The following PCDHA2 variants were observed in gnomAD, a reference collection of about 807,000 sequenced individuals.
PCDHA2 encodes protocadherin alpha 2.
Under a neutral mutation model 66.0 loss-of-function variants are expected in PCDHA2, and 58 were observed. The ratio of observed to expected loss-of-function variants is 0.88; its 90% CI spans 0.71 to 1.09. The LOEUF (loss-of-function observed/expected upper bound fraction) is 1.09, where lower values mean the gene tolerates loss of function less well. Ranked by LOEUF, PCDHA2 falls within the 50% of genes least tolerant of loss-of-function variation. The pLI is 0.00. For synonymous variants in PCDHA2, 634 were observed against 554.0 expected, an observed-to-expected ratio of 1.14 and a Z score of -2.03; for missense variants, 1,267 against 1,242.3, an observed-to-expected ratio of 1.02 and a Z score of -0.30.
At position 140,883,390 on chromosome 5, in the gene PCDHA2, G is replaced by A. The variant is rs373348994; in HGVS notation, c.2388+86038G>A. The A allele has an allele frequency of 2.5e-6, 4 of 1,614,050 alleles. No homozygotes were observed. The African/African-American group carries it at 5.3e-5, about 22-fold the overall frequency. ...GCGCCATTATTGCCCTAATCAGTGT[G>A]TCCGATCGTGACTCTGGCTCAAATG... is the stretch of plus-strand genomic sequence containing the variant. On this transcript the variant is annotated intron_variant, in intron 1 of 3. Coordinates refer to ENST00000526136, the MANE Select transcript of PCDHA2 (RefSeq NM_018905.3).
chr5:141,008,597 C>T (rs1485271666), intron 3 of PCDHA2, among the ~76,000 whole-genome samples: 1 of 152,224 alleles, frequency 6.6e-6, no homozygotes, highest in East Asian at 1.9e-4. Flanking sequence ...GATTTCACCT[C>T]CTCTGGAACC....
chr5:140,838,631 G>T (rs1181187323), intron 1 of PCDHA2, among the ~76,000 whole-genome samples: 2 of 151,888 alleles, frequency 1.3e-5, no homozygotes, highest in Non-Finnish European at 2.9e-5. Context: ...CAAATAATTT[G>T]GTTGGTCAAA....
At chr5:140,993,883 A>G (rs1256857317) in intron 3 of PCDHA2, among the ~76,000 whole-genome samples, 1 of 152,228 alleles carries the variant, frequency 6.6e-6, no homozygotes, top group East Asian at 1.9e-4. Flanking sequence ...AGTACGCTCT[A>G]TGATGTCCAT....
intron 1 of PCDHA2, chr5:140,843,152 CT>C (rs2150353947): frequency 6.3e-6 from 10 of 1,596,024 alleles, no homozygotes; most frequent in Non-Finnish European, 6.9e-6. Flanking sequence ...TTCGTATGAG[CT>C]GCAGCCAGCT....
intron 1 of PCDHA2, chr5:140,930,518 T>G (rs782236970): frequency 3.3e-5 from 5 of 152,592 alleles, no homozygotes; most frequent in Non-Finnish European, 5.9e-5. Flanking sequence ...CCACTGCAGC[T>G]GGCCCTCAAA....
intron 1 of PCDHA2, chr5:140,968,800 A>G: frequency 6.2e-7 from 1 of 1,614,238 alleles, no homozygotes; most frequent in Non-Finnish European, 8.5e-7. Context: ...CCATTACAGT[A>G]GCTGTGGTGG....
At chr5:140,831,867 T>C (rs1273262547) in intron 1 of PCDHA2, among the ~76,000 whole-genome samples, 1 of 152,226 alleles carries the variant, frequency 6.6e-6, no homozygotes, top group Non-Finnish European at 1.5e-5. Flanking sequence ...AGTAAGTTGA[T>C]ATTGTAAGGC....
chr5:140,869,572 G>A (rs375272234), intron 1 of PCDHA2: 1 of 1,614,060 alleles, frequency 6.2e-7, no homozygotes, highest in Non-Finnish European at 8.5e-7. Flanking sequence ...ACTAGAGGGA[G>A]CTTCTGATGC....
Position 140,830,125 on chromosome 5 carries a change from G to C in PCDHA2, c.2388+32773G>C, listed in dbSNP as rs2150181468. ...TGGAGAGTGGCCAGGCTCCAAAGGC[G>C]TCATCACGGGCGTCGGTGGGCGCCG... On this transcript the variant is annotated intron_variant, in intron 1 of 3. Coordinates refer to ENST00000526136, the MANE Select transcript of PCDHA2 (RefSeq NM_018905.3). 3.9e-5 allele frequency: 63 copies of C among 1,613,452 alleles called. No individual in the cohort carries two copies. In the South Asian group the frequency reaches 6.7e-4, roughly 17 times the overall value.
intron 1 of PCDHA2, among the ~76,000 whole-genome samples, chr5:140,826,047 G>A (rs1554130434): frequency 6.6e-6 from 1 of 152,052 alleles, no homozygotes; most frequent in East Asian, 1.9e-4. Context: ...CTGTTGCTTT[G>A]CCTGTTTCTT....
intron 3 of PCDHA2, among the ~76,000 whole-genome samples, chr5:141,008,863 C>T (rs902385521): frequency 6.6e-6 from 1 of 152,204 alleles, no homozygotes. Flanking sequence ...CTCTTCCATG[C>T]TGCATCCCAC....
intron 1 of PCDHA2, chr5:140,802,382 C>G (rs1554122092): frequency 6.2e-7 from 1 of 1,614,150 alleles, no homozygotes; most frequent in Non-Finnish European, 8.5e-7. Flanking sequence ...ACGTCCCCTT[C>G]AAGCTGGTGT....
chr5:140,907,885 A>C (rs1554193167), intron 1 of PCDHA2, among the ~76,000 whole-genome samples: 1 of 152,210 alleles, frequency 6.6e-6, no homozygotes, highest in Admixed American at 6.5e-5. Flanking sequence ...CTCACATGGG[A>C]TACAAATATC....
At chr5:140,989,109 A>C (rs2097330096) in intron 3 of PCDHA2, 2 of 152,240 alleles carry the variant, frequency 1.3e-5, no homozygotes, top group African/African-American at 4.8e-5. Context: ...CAACTTTTGA[A>C]TATATCTTAG....
chr5:140,912,635 T>G (rs1554195442), intron 1 of PCDHA2, among the ~76,000 whole-genome samples: 2 of 152,156 alleles, frequency 1.3e-5, no homozygotes, highest in Admixed American at 6.5e-5. Context: ...AGACTTTCAG[T>G]ACTATGTTGA....
At chr5:140,977,227 A>G (rs149467858) in intron 1 of PCDHA2, among the ~76,000 whole-genome samples, 4 of 152,288 alleles carry the variant, frequency 2.6e-5, no homozygotes, top group African/African-American at 7.2e-5. Context: ...ATGTTACCCA[A>G]TCATAGAAAA....
chr5:140,926,769 G>T lies in PCDHA2; in HGVS notation c.2389-52180G>T, dbSNP rs1584462454. 7.3e-6 allele frequency: 10 copies of T among 1,360,582 alleles called. No individual in the cohort carries two copies. In the East Asian group the frequency reaches 2.4e-4, roughly 33 times the overall value. 84.3% of individuals were successfully genotyped at this position (1,360,582 alleles called of 1,614,324 possible). On this transcript the variant is annotated intron_variant, in intron 1 of 3. Coordinates refer to ENST00000526136, the MANE Select transcript of PCDHA2 (RefSeq NM_018905.3). ...TCGGCGGTCGCTGAGTATCCAGCCCGCAGCAGTGACGGCCGGCAGGAGCGT... is the reference window on the plus strand; with the variant it reads ...TCGGCGGTCGCTGAGTATCCAGCCCTCAGCAGTGACGGCCGGCAGGAGCGT...
chr5:140,957,222 G>A (rs537549328), intron 1 of PCDHA2, among the ~76,000 whole-genome samples: 1 of 152,182 alleles, frequency 6.6e-6, no homozygotes, highest in East Asian at 1.9e-4. Context: ...AAAATTTGGC[G>A]AAGCATTTTG....
chr5:140,968,008 C>T, intron 1 of PCDHA2: 1 of 1,614,202 alleles, frequency 6.2e-7, no homozygotes, highest in Non-Finnish European at 8.5e-7. Flanking sequence ...GACTGAATGG[C>T]TTTGGAAACT....
Sources: gnomAD v4.1 joint callset for allele counts (sites outside exome capture counted in the v4.1 genomes callset) on GRCh38, gnomAD v4.1.1 for gene constraint, MANE v1.5 for transcripts, NCBI Gene and HGNC (gene_info 2026-07-23, HGNC 2026-07-21) for gene names.